Variants in NETO2 observed in about 807,000 individuals in gnomAD.
NETO2 encodes the protein neuropilin and tolloid like 2, also known as neuropilin and tolloid-like protein 2.
NETO2 carries 28 observed loss-of-function variants against 62.5 expected under a neutral mutation model. The observed-to-expected ratio is 0.45, with a 90% CI of 0.33 to 0.61. The LOEUF is 0.61. Among genes scored for constraint, NETO2 ranks in the 20% least tolerant of loss-of-function variants. The probability of loss-of-function intolerance (pLI) is 0.02; values close to 1 mark genes in which losing one functional copy is unlikely to be tolerated. For synonymous variants in NETO2, 214 were observed against 219.1 expected (o/e 0.98, Z 0.21); for missense variants, 548 against 643.2 (o/e 0.85, Z 1.60).
intron 1 of NETO2, among the ~76,000 whole-genome samples, chr16:47,135,127 G>T (rs957146639): frequency 1.2e-4 from 18 of 152,182 alleles, no homozygotes; most frequent in Admixed American, 1.2e-3. Flanking sequence ...TCTAAATTCT[G>T]TATCATTATA....
At chr16:47,135,277 T>C (rs1356962517) in intron 1 of NETO2, among the ~76,000 whole-genome samples, 1 of 152,232 alleles carries the variant, frequency 6.6e-6, no homozygotes, top group African/African-American at 2.4e-5. Context: ...TTCTTTGTTC[T>C]GTCTTTATTC....
At chr16:47,115,714 C>CATATATATATACACAT (rs1963900630) in intron 6 of NETO2, among the ~76,000 whole-genome samples, 1 of 128,504 alleles carries the variant, frequency 7.8e-6, no homozygotes, top group Non-Finnish European at 1.6e-5. Context: ...TATATATATA[C>CATATATATATACACAT]ATATATATAT....
chr16:47,086,827 C>T (rs1018665084), intron 7 of NETO2, among the ~76,000 whole-genome samples: 1 of 152,174 alleles, frequency 6.6e-6, no homozygotes, highest in African/African-American at 2.4e-5. Flanking sequence ...AACTCAGTTA[C>T]TTGCATACCA....
In NETO2 at chr16:47,143,909, G is replaced by A. The variant is rs1487132302; in HGVS notation, c.-297C>T. On this transcript the variant is annotated 5_prime_UTR_variant, in exon 1 of 9. Coordinates refer to ENST00000562435, the MANE Select transcript of NETO2 (RefSeq NM_018092.5). Reference sequence around the variant, plus strand: ...ACGCGCGGCGCGGGACCGGCAGGCAGCTCCGCCCGCGGCCCCGGCGCGGGA... The same window carrying A: ...ACGCGCGGCGCGGGACCGGCAGGCAACTCCGCCCGCGGCCCCGGCGCGGGA... 2 of 194,596 alleles carry A rather than the reference G, an allele frequency of 1.0e-5. No individual in the cohort carries two copies. The highest frequency in any genetic ancestry group is 1.3e-4 in the East Asian group (1 of 7,744). The allele number at this position is 194,596 out of a possible 1,614,324, so 12.1% of individuals were successfully genotyped here.
Position 47,083,271 on chromosome 16 carries a change from CAT to C in NETO2, c.1526_1527del (p.Tyr509CysfsTer15). 1 of 1,613,938 alleles carries C rather than the reference CAT, an allele frequency of 6.2e-7. No individual in the cohort carries two copies. On this transcript the variant is annotated frameshift_variant, in exon 9 of 9. Transcript: ENST00000562435. LOFTEE classifies it high-confidence loss of function. The part of the protein sequence containing the change: ...RVMEEIPCEI[Y>X]VRGREDSAQA... ...TGTGCAGAATCTTCTCGCCCCCTGA[CAT>C]AAATTTCACAGGGAATCTCCTCCAT...
intron 1 of NETO2, among the ~76,000 whole-genome samples, chr16:47,143,258 A>C (rs1964501208): frequency 6.6e-6 from 1 of 152,014 alleles, no homozygotes; most frequent in Non-Finnish European, 1.5e-5. Flanking sequence ...AATTCTACGG[A>C]AGCGGCGCGA....
At chr16:47,123,286 GGT>G (rs1301123787) in intron 4 of NETO2, among the ~76,000 whole-genome samples, 1 of 152,102 alleles carries the variant, frequency 6.6e-6, no homozygotes, top group African/African-American at 2.4e-5. Flanking sequence ...TTAAATGGAT[GGT>G]GGTAATAGTT....
At chr16:47,102,727 C>T (rs1963581964) in intron 7 of NETO2, among the ~76,000 whole-genome samples, 1 of 152,018 alleles carries the variant, frequency 6.6e-6, no homozygotes, top group South Asian at 2.1e-4. Context: ...AAATGCAAAT[C>T]AAAACCACAA....
intron 7 of NETO2, among the ~76,000 whole-genome samples, chr16:47,107,391 A>G (rs1963698117): frequency 6.6e-6 from 1 of 152,258 alleles, no homozygotes; most frequent in African/African-American, 2.4e-5. Flanking sequence ...AGTAACTGGA[A>G]AACAGTATCT....
chr16:47,143,004 G>T (rs996475882), intron 1 of NETO2, among the ~76,000 whole-genome samples: 1 of 151,744 alleles, frequency 6.6e-6, no homozygotes, highest in Non-Finnish European at 1.5e-5. Context: ...CCCGCGCGCC[G>T]CCCCCGGAGC....
chr16:47,101,157 C>CA (rs1963534495), intron 7 of NETO2, among the ~76,000 whole-genome samples: 1 of 152,150 alleles, frequency 6.6e-6, no homozygotes, highest in African/African-American at 2.4e-5. Context: ...ATAAGCAAAT[C>CA]ACATAAACAG....
At chr16:47,137,137 A>G (rs1201663521) in intron 1 of NETO2, among the ~76,000 whole-genome samples, 2 of 152,216 alleles carry the variant, frequency 1.3e-5, no homozygotes, top group African/African-American at 4.8e-5. Context: ...GGTAGAATAT[A>G]TTAAGGCTCA....
chr16:47,091,266 T>C (rs1395903695), intron 7 of NETO2, among the ~76,000 whole-genome samples: 1 of 152,238 alleles, frequency 6.6e-6, no homozygotes, highest in Non-Finnish European at 1.5e-5. Context: ...CAATTTAAAC[T>C]TATTCTTACA....
chr16:47,095,825 C>G (rs905334882), intron 7 of NETO2, among the ~76,000 whole-genome samples: 2 of 152,138 alleles, frequency 1.3e-5, no homozygotes, highest in African/African-American at 2.4e-5. Flanking sequence ...CTAACATATA[C>G]AGAAAATTCC....
intron 6 of NETO2, among the ~76,000 whole-genome samples, chr16:47,121,287 G>C (rs1033057763): frequency 6.6e-6 from 1 of 152,018 alleles, no homozygotes. Context: ...TGAGCATAGG[G>C]GTTTTAGAAT....
intron 6 of NETO2, among the ~76,000 whole-genome samples, chr16:47,120,678 T>C (rs904720543): frequency 3.3e-5 from 5 of 152,228 alleles, no homozygotes; most frequent in Non-Finnish European, 7.3e-5. Context: ...ATGAACACTC[T>C]TAACACTATG....
chr16:47,086,960 A>G (rs1963202504), intron 7 of NETO2, among the ~76,000 whole-genome samples: 1 of 152,226 alleles, frequency 6.6e-6, no homozygotes, highest in Non-Finnish European at 1.5e-5. Flanking sequence ...GGTCATAAAA[A>G]GAAATGAAAT....
intron 7 of NETO2, among the ~76,000 whole-genome samples, chr16:47,105,584 A>C (rs1254073653): frequency 6.6e-6 from 1 of 152,212 alleles, no homozygotes. Flanking sequence ...AAAGTCTGCT[A>C]ATCACATACA....
intron 7 of NETO2, among the ~76,000 whole-genome samples, chr16:47,097,338 G>A (rs1291210465): frequency 6.6e-6 from 1 of 152,220 alleles, no homozygotes; most frequent in Non-Finnish European, 1.5e-5. Flanking sequence ...TTGGTAGGGG[G>A]AGGGGCATCT....
Sources: gnomAD v4.1 joint callset for allele counts (sites outside exome capture counted in the v4.1 genomes callset) on GRCh38, gnomAD v4.1.1 for gene constraint, MANE v1.5 for transcripts, NCBI Gene and HGNC (gene_info 2026-07-23, HGNC 2026-07-21) for gene names.